The following RUNX1 variants were observed in gnomAD, a reference collection of about 807,000 sequenced individuals.
The protein encoded by RUNX1 is runt-related transcription factor 1.
A neutral mutation model predicts 42.8 loss-of-function variants in RUNX1; 19 were observed. The ratio of observed to expected loss-of-function variants is 0.44; its 90% CI spans 0.31 to 0.65. The LOEUF (loss-of-function observed/expected upper bound fraction) is 0.65. Ranked by LOEUF, RUNX1 falls within the 30% of genes least tolerant of loss-of-function variation. The probability of loss-of-function intolerance (pLI) is 0.07; values close to 1 mark genes in which losing one functional copy is unlikely to be tolerated. For synonymous variants in RUNX1, 271 were observed against 289.4 expected, an observed-to-expected ratio of 0.94 and a Z score of 0.64; for missense variants, 528 against 672.0, an observed-to-expected ratio of 0.79 and a Z score of 2.37.
At chr21:35,001,460 A>G (rs762008169) in intron 2 of RUNX1, among the ~76,000 whole-genome samples, 1 of 152,022 alleles carries the variant, frequency 6.6e-6, no homozygotes, top group Non-Finnish European at 1.5e-5. Flanking sequence ...TAATTGCCCA[A>G]ATAAAGACTA....
intron 7 of RUNX1, chr21:34,821,390 A>AT: frequency 7.9e-7 from 1 of 1,268,232 alleles, no homozygotes; most frequent in South Asian, 2.9e-5. Flanking sequence ...ATTAATAAAT[A>AT]CACACAATGC....
intron 2 of RUNX1, among the ~76,000 whole-genome samples, chr21:34,946,106 C>G: frequency 6.6e-6 from 1 of 152,172 alleles, no homozygotes; most frequent in East Asian, 1.9e-4. Flanking sequence ...GTTAGTCCTG[C>G]CACCTCCTCT....
chr21:35,040,349 A>T (rs1179729541), intron 2 of RUNX1, among the ~76,000 whole-genome samples: 1 of 152,230 alleles, frequency 6.6e-6, no homozygotes, highest in African/African-American at 2.4e-5. Context: ...TCTTTTGCAC[A>T]TTCTGGGGCA....
intron 5 of RUNX1, among the ~76,000 whole-genome samples, chr21:34,876,687 C>CT (rs2057819412): frequency 6.6e-6 from 1 of 152,162 alleles, no homozygotes; most frequent in African/African-American, 2.4e-5. Context: ...AGTAGACCAT[C>CT]TTTCCTCCTG....
intron 7 of RUNX1, among the ~76,000 whole-genome samples, chr21:34,816,682 C>T (rs1218620151): frequency 2.6e-5 from 4 of 151,806 alleles, no homozygotes; most frequent in Admixed American, 1.3e-4. Flanking sequence ...TGGCAGGATT[C>T]GGGGATGTGG....
chr21:34,888,749 T>G, intron 3 of RUNX1: 21 of 933,344 alleles, frequency 2.2e-5, no homozygotes, highest in South Asian at 5.0e-5. Flanking sequence ...AGGAATTCCA[T>G]TCCCTCAGCT....
At chr21:34,929,407 T>G (rs2058423218) in intron 2 of RUNX1, among the ~76,000 whole-genome samples, 2 of 152,176 alleles carry the variant, frequency 1.3e-5, no homozygotes, top group African/African-American at 4.8e-5. Flanking sequence ...AAATACATTT[T>G]TAGGGGCGGT....
At chr21:35,032,767 T>C (rs1670581290) in intron 2 of RUNX1, among the ~76,000 whole-genome samples, 1 of 152,210 alleles carries the variant, frequency 6.6e-6, no homozygotes, top group Non-Finnish European at 1.5e-5. Context: ...TATTCCCACA[T>C]ACAGCTTCTT....
At chr21:34,840,569 T>C (rs990989206) in intron 6 of RUNX1, among the ~76,000 whole-genome samples, 8 of 151,888 alleles carry the variant, frequency 5.3e-5, no homozygotes, top group Non-Finnish European at 8.8e-5. Context: ...CAACTTCTAA[T>C]GAGGTTACGA....
At chr21:34,888,429 A>G (rs1204509925) in intron 3 of RUNX1, 31 of 1,067,240 alleles carry the variant, frequency 2.9e-5, no homozygotes, top group Non-Finnish European at 3.4e-5. Flanking sequence ...AATTGGGGAA[A>G]AGTTCGCAGC....
chr21:34,793,844 C>A (rs1026645006), intron 8 of RUNX1, among the ~76,000 whole-genome samples: 2 of 151,942 alleles, frequency 1.3e-5, no homozygotes. Flanking sequence ...GCTGGGATTA[C>A]AGGCGCCCGC....
chr21:34,865,274 TTGTGCGTGTGTG>T (rs2057641528), intron 5 of RUNX1, among the ~76,000 whole-genome samples: 1 of 128,106 alleles, frequency 7.8e-6, no homozygotes, highest in Admixed American at 8.0e-5. Context: ...AGGAGGGGTT[TTGTGCGTGTGTG>T]TGTGTGTGTG....
chr21:35,024,197 T>G (rs2059219642), intron 2 of RUNX1, among the ~76,000 whole-genome samples: 1 of 151,982 alleles, frequency 6.6e-6, no homozygotes, highest in Non-Finnish European at 1.5e-5. Context: ...GAGTAGATCT[T>G]CCCCTTCCAT....
At chr21:34,916,158 G>A (rs1416318176) in intron 2 of RUNX1, among the ~76,000 whole-genome samples, 8 of 152,192 alleles carry the variant, frequency 5.3e-5, no homozygotes, top group Non-Finnish European at 1.0e-4. Flanking sequence ...GAAAGGCAAC[G>A]CCAGTGGCTC....
chr21:34,927,527 AG>A (rs2058405148), intron 2 of RUNX1, among the ~76,000 whole-genome samples: 1 of 152,174 alleles, frequency 6.6e-6, no homozygotes, highest in Non-Finnish European at 1.5e-5. Flanking sequence ...GGGTGGATGC[AG>A]GGGGCTACTC....
chr21:34,859,803 T>C (rs2057545883), intron 5 of RUNX1, among the ~76,000 whole-genome samples: 1 of 152,202 alleles, frequency 6.6e-6, no homozygotes, highest in African/African-American at 2.4e-5. Flanking sequence ...TAATCATCAA[T>C]AAACAATACA....
chr21:35,026,467 A>G (rs1259969072), intron 2 of RUNX1, among the ~76,000 whole-genome samples: 1 of 152,152 alleles, frequency 6.6e-6, no homozygotes, highest in Non-Finnish European at 1.5e-5. Flanking sequence ...GTCCCTTTTC[A>G]TTTTGGCATT....
At chr21:34,874,259 A>T (rs572187625) in intron 5 of RUNX1, among the ~76,000 whole-genome samples, 1 of 152,220 alleles carries the variant, frequency 6.6e-6, no homozygotes, top group Admixed American at 6.5e-5. Context: ...ATTCATAAAC[A>T]TCTCTTTACT....
At chr21:34,902,500 CATATAT>C (rs2058185147) in intron 2 of RUNX1, among the ~76,000 whole-genome samples, 1 of 152,124 alleles carries the variant, frequency 6.6e-6, no homozygotes, top group Non-Finnish European at 1.5e-5. Context: ...GACATAAATA[CATATAT>C]ATTCTATATA....
Sources: gnomAD v4.1 joint callset for allele counts (sites outside exome capture counted in the v4.1 genomes callset) on GRCh38, gnomAD v4.1.1 for gene constraint, MANE v1.5 for transcripts, NCBI Gene and HGNC (gene_info 2026-07-23, HGNC 2026-07-21) for gene names.